The following DHX37 variants were observed in gnomAD, a reference collection of about 807,000 sequenced individuals.
DHX37 encodes the protein DEAH-box helicase 37.
A neutral mutation model predicts 134.3 loss-of-function variants in DHX37; 52 were observed. The observed-to-expected ratio is 0.39, with a 90% CI of 0.31 to 0.49. The LOEUF (loss-of-function observed/expected upper bound fraction) is 0.49, where lower values mean the gene tolerates loss of function less well. Ranked by LOEUF, DHX37 falls within the 20% of genes least tolerant of loss-of-function variation. The probability of loss-of-function intolerance (pLI) is 0.93; values close to 1 mark genes in which losing one functional copy is unlikely to be tolerated. For missense variants in DHX37, 1,344 were observed against 1,580.8 expected (o/e 0.85, Z 2.54); for synonymous variants, 634 against 670.7 (o/e 0.95, Z 0.85).
chr12:124,962,045 CA>C (rs1030923028), intron 15 of DHX37, among the ~76,000 whole-genome samples: 1 of 151,650 alleles, frequency 6.6e-6, no homozygotes, highest in Admixed American at 6.6e-5. Flanking sequence ...TAAAACAAAA[CA>C]AAAAAAACAC....
At chr12:124,958,632 TC>T (rs1378352743) in intron 16 of DHX37, among the ~76,000 whole-genome samples, 2 of 148,730 alleles carry the variant, frequency 1.3e-5, no homozygotes, top group African/African-American at 2.4e-5. Flanking sequence ...TTCTTTTTTT[TC>T]TTTTTTTTTG....
At chr12:124,984,701 G>A (rs1386148790) in intron 2 of DHX37, among the ~76,000 whole-genome samples, 1 of 152,098 alleles carries the variant, frequency 6.6e-6, no homozygotes, top group East Asian at 1.9e-4. Context: ...TAAAATAAAA[G>A]ATTAGGTGTG....
intron 2 of DHX37, among the ~76,000 whole-genome samples, chr12:124,984,078 C>A (rs887478895): frequency 2.6e-5 from 4 of 152,230 alleles, no homozygotes; most frequent in African/African-American, 9.6e-5. Flanking sequence ...CAGATGCCAG[C>A]AGCACTCCCA....
chr12:124,964,474 G>A lies in DHX37; in HGVS notation c.1965C>T (p.Phe655=). ...YYDRVTGVSS[F]RVTWVSQASA... is the part of the protein sequence containing the mutation. ...ATGCCTGGGAGACCCAGGTGACACG[G>A]AAGGAGGATACGCCAGTGACGCGGT... is the stretch of plus-strand genomic sequence containing the variant. The change falls in exon 15 of 27, where the codon TTC becomes TTT. Residue 655 remains phenylalanine (F), a synonymous_variant. Coordinates refer to ENST00000308736, the MANE Select transcript of DHX37 (RefSeq NM_032656.4). 6.2e-7 allele frequency: 1 copy of A among 1,614,210 alleles called. No individual in the cohort carries two copies. The highest frequency in any genetic ancestry group is 8.5e-7 in the Non-Finnish European group (1 of 1,180,026).
At position 124,957,130 on chromosome 12, in the gene DHX37, G is replaced by A. The variant is rs774307424; in HGVS notation, c.2163C>T (p.Ile721=). Residue 721 remains isoleucine (I), a synonymous_variant, in exon 17 of 27, where the codon ATC becomes ATT. Transcript: ENST00000308736. Reference sequence around the variant, plus strand: ...AGGGGGGCGTCGGGAAGGGGAAGTTGATGACCTGGGACACAAGGAGACGTG... The same window carrying A: ...AGGGGGGCGTCGGGAAGGGGAAGTTAATGACCTGGGACACAAGGAGACGTG... ...QMKALNVEKV[I]NFPFPTPPSV... 5 of 1,499,268 alleles carry A rather than the reference G, an allele frequency of 3.3e-6. No homozygotes were observed. In the East Asian group the frequency reaches 1.2e-4, roughly 37 times the overall value. 92.9% of individuals were successfully genotyped at this position (1,499,268 alleles called of 1,614,324 possible). A position where few individuals can be genotyped will look rare whatever the true frequency, so the allele number is the denominator to read the frequency against.
chr12:124,964,994 T>G lies in DHX37; in HGVS notation c.1748A>C (p.Asp583Ala). The change falls in exon 14 of 27, where the codon GAT becomes GCT. Residue 583 changes from aspartate to alanine, a missense_variant. Physicochemically the swap from Asp to Ala is moderately radical, Grantham distance 126. Coordinates refer to ENST00000308736, the MANE Select transcript of DHX37 (RefSeq NM_032656.4). ...GAGCACGTGGAGCGGGAGGGAGGCA[T>G]CCGGCTGCTCACCTGGAGGGAAAGC... Reference protein sequence around the residue: ...DGGQDGGEQPDASLPLHVLPL... With the variant: ...DGGQDGGEQPAASLPLHVLPL... The G allele has an allele frequency of 1.9e-6, 3 of 1,595,746 alleles. No individual in the cohort carries two copies. In the African/African-American group the frequency reaches 4.0e-5, roughly 21 times the overall value.
intron 1 of DHX37, among the ~76,000 whole-genome samples, 200 bp from the exon 2 acceptor site, chr12:124,986,465 C>T (rs1369511018): frequency 6.6e-6 from 1 of 152,062 alleles, no homozygotes; most frequent in African/African-American, 2.4e-5. Context: ...AATCCCAGCA[C>T]TTTGGGAGGC....
chr12:124,957,192 C>T (rs1382968568), intron 16 of DHX37, 57 bp from the exon 17 acceptor site: 9 of 1,425,208 alleles, frequency 6.3e-6, no homozygotes, highest in Middle Eastern at 1.9e-4. Flanking sequence ...AAGTCCGGTG[C>T]TCCTGCTCCG....
chr12:124,959,174 A>G (rs1954172979), intron 16 of DHX37, among the ~76,000 whole-genome samples: 1 of 151,110 alleles, frequency 6.6e-6, no homozygotes, highest in Non-Finnish European at 1.5e-5. Flanking sequence ...CCCGGGTTCA[A>G]GTGATTATCC....
intron 6 of DHX37, among the ~76,000 whole-genome samples, chr12:124,973,242 A>G (rs1954555941): frequency 6.6e-6 from 1 of 151,980 alleles, no homozygotes; most frequent in Admixed American, 6.6e-5. Flanking sequence ...ACATGGTGAA[A>G]CCCCATCTCT....
intron 5 of DHX37, among the ~76,000 whole-genome samples, chr12:124,976,562 G>A (rs1345242886): frequency 6.6e-6 from 1 of 152,194 alleles, no homozygotes; most frequent in East Asian, 1.9e-4. Flanking sequence ...GGGTGCAGTG[G>A]CTCATGCCTG....
chr12:124,952,746 CCG>C, intron 20 of DHX37, 176 bp from the exon 21 acceptor site: 1 of 523,762 alleles, frequency 1.9e-6, no homozygotes, highest in Non-Finnish European at 3.0e-6. Context: ...AGGATTGCAG[CCG>C]CCCCCCCATT....
intron 4 of DHX37, among the ~76,000 whole-genome samples, chr12:124,978,373 A>G (rs1954686961): frequency 6.6e-6 from 1 of 150,722 alleles, no homozygotes; most frequent in Non-Finnish European, 1.5e-5. Flanking sequence ...GCTGGAGTGC[A>G]ATAGTGTGAT....
rs116628829 is a variant in DHX37 at position 124,982,581 on chromosome 12, C to T, written c.319G>A (p.Glu107Lys). 9.2e-5 allele frequency: 148 copies of T among 1,613,662 alleles called. 1 individual carries two copies. In the East Asian group the frequency reaches 2.8e-3, roughly 31 times the overall value. Residue 107 changes from glutamate to lysine, a missense_variant, in exon 3 of 27, where the codon GAA becomes AAA. Transcript: ENST00000308736. ...LQKLSEVQAS[E>K]AEMRLFYTTS... ...GTATAAAAGAGTCTCATCTCAGCTT[C>T]GGAAGCCTGGACTTCACTCAGCTTC...
In DHX37 at chr12:124,950,011, C is replaced by T. The variant is rs546607561; in HGVS notation, c.3265G>A (p.Gly1089Ser). Residue 1089 changes from glycine (G) to serine (S), a missense_variant, in exon 25 of 27, where the codon GGC becomes AGC. By Grantham distance (56) the Gly-to-Ser change is moderately conservative. Coordinates refer to ENST00000308736, the MANE Select transcript of DHX37 (RefSeq NM_032656.4). ...CTGGCCCACGTCTTCAGCATGGTGCCGGGGCTGGACAGCAGACAGCTCCGG... is the reference window on the plus strand; with the variant it reads ...CTGGCCCACGTCTTCAGCATGGTGCTGGGGCTGGACAGCAGACAGCTCCGG... ...SYRSCLLSSPGTMLKTWARLQ... is the reference protein window; with the variant it reads ...SYRSCLLSSPSTMLKTWARLQ... 21 of 1,612,304 alleles carry T rather than the reference C, an allele frequency of 1.3e-5. No homozygotes were observed. Among genetic ancestry groups the T allele is most frequent in the Admixed American group, 1.7e-5 (1 of 59,852 alleles).
chr12:124,959,378 G>T (rs1416911465), intron 16 of DHX37, among the ~76,000 whole-genome samples: 1 of 136,250 alleles, frequency 7.3e-6, no homozygotes, highest in African/African-American at 3.4e-5. Context: ...CAGCCTCCCT[G>T]GCTAATTTTT....
chr12:124,964,195 CAAAAA>C (rs397692928), intron 15 of DHX37, among the ~76,000 whole-genome samples, 194 bp downstream of exon 15: 1 of 57,464 alleles, frequency 1.7e-5, no homozygotes, highest in Non-Finnish European at 3.2e-5. Context: ...AACTCCATCT[CAAAAA>C]AAAAAAAAAA....
chr12:124,952,800 G>A (rs1009467658), intron 20 of DHX37: 2 of 372,306 alleles, frequency 5.4e-6, no homozygotes, highest in Non-Finnish European at 9.5e-6. Flanking sequence ...TCCTGCCTGG[G>A]CAGCAGAGCA....
At chr12:124,985,998 A>G (rs1954863982) in intron 2 of DHX37, 98 bp downstream of exon 2, 3 of 1,469,024 alleles carry the variant, frequency 2.0e-6, no homozygotes, top group East Asian at 2.3e-5. Flanking sequence ...AGAAAGTTCT[A>G]TTAGTTGCAC....
Sources: gnomAD v4.1 joint callset for allele counts (sites outside exome capture counted in the v4.1 genomes callset) on GRCh38, gnomAD v4.1.1 for gene constraint, MANE v1.5 for transcripts, NCBI Gene and HGNC (gene_info 2026-07-23, HGNC 2026-07-21) for gene names.